Variants in CFAP299 observed in about 807,000 individuals in gnomAD.
CFAP299 encodes the protein cilia and flagella associated protein 299, also known as cilia- and flagella-associated protein 299.
A neutral mutation model predicts 27.0 loss-of-function variants in CFAP299; 21 were observed. The ratio of observed to expected loss-of-function variants is 0.78; its 90% CI spans 0.55 to 1.12. The LOEUF (loss-of-function observed/expected upper bound fraction) is 1.12, where lower values mean the gene tolerates loss of function less well. Ranked by LOEUF, CFAP299 falls within the 50% of genes most tolerant of loss-of-function variation. CFAP299 has a pLI of 0.00. For missense variants in CFAP299, 310 were observed against 276.6 expected (o/e 1.12, Z -0.86); for synonymous variants, 104 against 98.1 (o/e 1.06, Z -0.36).
In CFAP299 at chr4:80,440,654, C is replaced by T. The variant is rs184428918; in HGVS notation, c.242+77770C>T. 5.8e-4 allele frequency among the ~76,000 whole-genome samples: 89 copies of T among 152,300 alleles called. 1 individual carries two copies. The South Asian group carries it at 0.012, about 21-fold the overall frequency. ...CAAAAACCAGAATGCCTCTTCTCCT[C>T]TAAAGAATCACAACTCCTTGCCAGC... On this transcript the variant is annotated intron_variant, in intron 2 of 5. Coordinates refer to ENST00000358105, the MANE Select transcript of CFAP299 (RefSeq NM_152770.3).
chr4:80,786,950 G>A (rs960002340), intron 3 of CFAP299, among the ~76,000 whole-genome samples: 2 of 151,848 alleles, frequency 1.3e-5, no homozygotes, highest in African/African-American at 4.8e-5. Flanking sequence ...TACCATTTGT[G>A]CAAACAAATA....
chr4:80,838,145 G>A (rs1469843940), intron 3 of CFAP299, among the ~76,000 whole-genome samples: 1 of 152,124 alleles, frequency 6.6e-6, no homozygotes, highest in Admixed American at 6.5e-5. Flanking sequence ...TAAGTTCCTT[G>A]TAGATTCTGG....
At chr4:80,912,267 AT>A (rs1735514742) in intron 4 of CFAP299, among the ~76,000 whole-genome samples, 1 of 152,190 alleles carries the variant, frequency 6.6e-6, no homozygotes, top group African/African-American at 2.4e-5. Context: ...GAAAATTAAC[AT>A]TTCGGCTGCA....
chr4:80,523,759 G>A (rs1356567897), intron 2 of CFAP299, among the ~76,000 whole-genome samples: 1 of 152,090 alleles, frequency 6.6e-6, no homozygotes, highest in Non-Finnish European at 1.5e-5. Context: ...CCTACAGCTT[G>A]CAGATGGCAG....
intron 3 of CFAP299, among the ~76,000 whole-genome samples, chr4:80,593,210 A>G (rs1736875108): frequency 6.6e-6 from 1 of 152,164 alleles, no homozygotes; most frequent in Admixed American, 6.6e-5. Flanking sequence ...AGCAGAGGGG[A>G]AGATCTAAAT....
chr4:80,874,042 C>G (rs139642062), intron 4 of CFAP299, among the ~76,000 whole-genome samples: 3 of 152,126 alleles, frequency 2.0e-5, no homozygotes, highest in Admixed American at 1.3e-4. Flanking sequence ...ATGCACTTAT[C>G]CTGTGCTTAA....
rs146597018 is a variant in CFAP299, at chr4:80,369,352, G to A, written c.242+6468G>A. Among the ~76,000 whole-genome samples, 140 of 152,224 alleles carry A rather than the reference G, an allele frequency of 9.2e-4. 1 individual carries two copies. The highest frequency in any genetic ancestry group is 3.0e-3 in the African/African-American group (126 of 41,546). On this transcript the variant is annotated intron_variant, in intron 2 of 5. Coordinates refer to ENST00000358105, the MANE Select transcript of CFAP299 (RefSeq NM_152770.3). ...AATAAAGTCAATGGGGTGAGCTACC[G>A]CCCCTATCATTTCATAATCTTCCTC... is the stretch of plus-strand genomic sequence containing the variant.
chr4:80,742,661 C>G (rs1247930913), intron 3 of CFAP299, among the ~76,000 whole-genome samples: 1 of 151,990 alleles, frequency 6.6e-6, no homozygotes, highest in African/African-American at 2.4e-5. Flanking sequence ...GTGGAGAACT[C>G]TTTATGAGAA....
intron 3 of CFAP299, among the ~76,000 whole-genome samples, chr4:80,674,641 C>T (rs979197238): frequency 2.6e-5 from 4 of 152,146 alleles, no homozygotes; most frequent in African/African-American, 4.8e-5. Flanking sequence ...CCATTCTCCC[C>T]GTCACTTTCA....
intron 3 of CFAP299, among the ~76,000 whole-genome samples, chr4:80,857,660 T>A (rs923632491): frequency 3.9e-5 from 6 of 152,212 alleles, no homozygotes; most frequent in Admixed American, 1.3e-4. Flanking sequence ...TCTATTGAGA[T>A]AATTATGTGG....
At chr4:80,592,012 C>T (rs2109886882) in intron 3 of CFAP299, among the ~76,000 whole-genome samples, 2 of 152,324 alleles carry the variant, frequency 1.3e-5, no homozygotes, top group South Asian at 2.1e-4. Flanking sequence ...TCTATGGATT[C>T]ACACTCTGTG....
chr4:80,386,386 C>A (rs1178041630), intron 2 of CFAP299: 2 of 1,526,238 alleles, frequency 1.3e-6, no homozygotes, highest in Non-Finnish European at 8.8e-7. Context: ...GGGACGGCCT[C>A]GGGCACCAGA....
At chr4:80,532,414 C>A (rs75130764) in intron 2 of CFAP299, among the ~76,000 whole-genome samples, 2,749 of 152,172 alleles carry the variant, frequency 0.018, 77 homozygotes, top group African/African-American at 0.06. Context: ...AAAAAAATTT[C>A]TTTGCACCAT....
chr4:80,544,446 C>G (rs1734139084), intron 2 of CFAP299, among the ~76,000 whole-genome samples: 1 of 152,126 alleles, frequency 6.6e-6, no homozygotes, highest in South Asian at 2.1e-4. Flanking sequence ...GAAACAATAC[C>G]CAATTGCCTG....
At chr4:80,387,605 G>T in intron 2 of CFAP299, 1 of 1,253,602 alleles carries the variant, frequency 8.0e-7, no homozygotes, top group Non-Finnish European at 1.2e-6. Context: ...ACAGAGTTTC[G>T]AGACACAGTG....
At chr4:80,495,701 C>A (rs1436893896) in intron 2 of CFAP299, among the ~76,000 whole-genome samples, 1 of 152,098 alleles carries the variant, frequency 6.6e-6, no homozygotes, top group Non-Finnish European at 1.5e-5. Context: ...AAAGAAATAC[C>A]CAAGACCGGG....
chr4:80,956,395 G>T (rs1016619823), intron 5 of CFAP299, among the ~76,000 whole-genome samples: 1 of 151,726 alleles, frequency 6.6e-6, no homozygotes, highest in Non-Finnish European at 1.5e-5. Flanking sequence ...ATTACTATTG[G>T]AAATGAAAAT....
At chr4:80,534,083 A>G (rs1733607676) in intron 2 of CFAP299, among the ~76,000 whole-genome samples, 1 of 152,070 alleles carries the variant, frequency 6.6e-6, no homozygotes, top group African/African-American at 2.4e-5. Context: ...ACTAACATCT[A>G]CCATGCTACA....
chr4:80,906,297 G>A (rs1735182113), intron 4 of CFAP299, among the ~76,000 whole-genome samples: 1 of 152,158 alleles, frequency 6.6e-6, no homozygotes, highest in Admixed American at 6.5e-5. Flanking sequence ...ACAGCCTTAG[G>A]CAGATCCACC....
Sources: allele counts gnomAD v4.1 joint callset (sites outside exome capture counted in the v4.1 genomes callset), GRCh38; gene constraint gnomAD v4.1.1; transcripts MANE v1.5; gene names NCBI Gene and HGNC (gene_info 2026-07-23, HGNC 2026-07-21).